OGDH: variants seen among roughly 807,000 people sequenced by gnomAD.
OGDH encodes 2-oxoglutarate dehydrogenase complex component E1.
OGDH carries 38 observed loss-of-function variants against 116.6 expected under a neutral mutation model. The ratio of observed to expected loss-of-function variants is 0.33; its 90% CI spans 0.25 to 0.43. OGDH has a LOEUF of 0.43. OGDH is among the 20% of genes least tolerant of loss of function. OGDH has a pLI of 1.00. For missense variants in OGDH, 825 were observed against 1,357.2 expected (o/e 0.61, Z 6.16); for synonymous variants, 488 against 533.3 (o/e 0.92, Z 1.17).
chr7:44,660,744 C>T (rs568198901), intron 4 of OGDH, among the ~76,000 whole-genome samples: 6 of 152,152 alleles, frequency 3.9e-5, no homozygotes, highest in Admixed American at 2.0e-4. Context: ...GGCAACATAG[C>T]GAGACCCCTG....
At chr7:44,643,631 A>G (rs992764060) in intron 2 of OGDH, among the ~76,000 whole-genome samples, 1 of 152,174 alleles carries the variant, frequency 6.6e-6, no homozygotes, top group Admixed American at 6.5e-5. Context: ...AACCTGTCTG[A>G]AAAAAACAGA....
chr7:44,634,538 C>G (rs896700402), intron 2 of OGDH, among the ~76,000 whole-genome samples: 3 of 152,172 alleles, frequency 2.0e-5, no homozygotes, highest in African/African-American at 7.2e-5. Context: ...TATTTACACA[C>G]CTGTACAGAC....
At chr7:44,631,456 C>T (rs1041992390) in intron 2 of OGDH, among the ~76,000 whole-genome samples, 15 of 152,226 alleles carry the variant, frequency 9.9e-5, no homozygotes, top group African/African-American at 2.7e-4. Context: ...CCTCCCCCAC[C>T]GCCACTTGAT....
In OGDH at chr7:44,686,736, C is replaced by A. The variant is rs140372998; in HGVS notation, c.1335+4888C>A. Among the ~76,000 whole-genome samples the A allele has an allele frequency of 5.0e-3, 742 of 149,038 alleles. 8 individuals are homozygous for A. The highest frequency in any genetic ancestry group is 0.017 in the African/African-American group (673 of 40,462). ...CGGAGTCTTGCTCTGTCGCCCAGGC[C>A]GGAGTGCAATGGCATGATCTCGGCT... On this transcript the variant is annotated intron_variant, in intron 10 of 22. Transcript: ENST00000222673.
chr7:44,606,811 G>A (rs112026005), intron 1 of OGDH, among the ~76,000 whole-genome samples, 158 bp downstream of exon 1: 209 of 152,314 alleles, frequency 1.4e-3, no homozygotes, highest in African/African-American at 4.3e-3. Flanking sequence ...TGGGGCTCAC[G>A]GAGGGTGGTA....
At chr7:44,660,366 C>G (rs1473263667) in intron 4 of OGDH, among the ~76,000 whole-genome samples, 3 of 152,072 alleles carry the variant, frequency 2.0e-5, no homozygotes, top group Non-Finnish European at 4.4e-5. Flanking sequence ...TTGTATACCC[C>G]TTGATATTTT....
chr7:44,673,396 T>TTCC (rs1422377020), intron 5 of OGDH, among the ~76,000 whole-genome samples: 5 of 152,224 alleles, frequency 3.3e-5, no homozygotes, highest in Admixed American at 6.5e-5. Flanking sequence ...CTATGGGCAT[T>TTCC]TCCTGTCATG....
intron 2 of OGDH, among the ~76,000 whole-genome samples, chr7:44,639,838 G>T (rs1050476540): frequency 6.6e-6 from 1 of 152,356 alleles, no homozygotes; most frequent in South Asian, 2.1e-4. Context: ...AAAGGCTGCA[G>T]AAGTTGCATT....
At position 44,631,820 on chromosome 7, in the gene OGDH, C is replaced by T. The variant is rs926207992; in HGVS notation, c.222+7255C>T. Among the ~76,000 whole-genome samples the T allele has an allele frequency of 4.0e-5, 6 of 151,274 alleles. No individual in the cohort carries two copies. In the South Asian group the frequency reaches 1.3e-3, roughly 32 times the overall value. On this transcript the variant is annotated intron_variant, in intron 2 of 22. Transcript: ENST00000222673. ...TAGCTCTCTTTTCTCTCTCTCTCTC[C>T]CCCTCTCCACCCCCTTCCCTCTTTC...
intron 10 of OGDH, among the ~76,000 whole-genome samples, chr7:44,691,873 C>T (rs1042024368): frequency 6.7e-6 from 1 of 149,956 alleles, no homozygotes; most frequent in African/African-American, 2.5e-5. Flanking sequence ...GTCCCAGCTA[C>T]GCAGGAGGCT....
rs760543141 is a variant in OGDH at position 44,697,002 on chromosome 7, G to A, written c.1989G>A (p.Ser663=). ...WALAEYMAFG[S]LLKEGIHIRL... is the part of the protein sequence containing the mutation. ...TAGCGGAGTACATGGCGTTTGGCTCGCTCCTGAAGGAGGGCATCCACATTC... is the reference window on the plus strand; with the variant it reads ...TAGCGGAGTACATGGCGTTTGGCTCACTCCTGAAGGAGGGCATCCACATTC... Residue 663 remains serine (S), a synonymous_variant, in exon 15 of 23, where the codon TCG becomes TCA. Coordinates refer to ENST00000222673, the MANE Select transcript of OGDH (RefSeq NM_002541.4). This position sits in a 1 kb window ranked among gnomAD's most constrained non-coding sequence, Gnocchi z 6.0. 1.5e-5 allele frequency: 25 copies of A among 1,614,120 alleles called. No homozygotes were observed. Among genetic ancestry groups the A allele is most frequent in the South Asian group, 1.2e-4 (11 of 91,090 alleles).
intron 20 of OGDH, among the ~76,000 whole-genome samples, chr7:44,706,681 C>G (rs1000302583): frequency 2.1e-5 from 3 of 143,622 alleles, no homozygotes; most frequent in African/African-American, 8.2e-5. Context: ...GACTGTAGTG[C>G]ATGATCTCAG....
Position 44,669,145 on chromosome 7 carries a change from C to CTTTTTTTTTTTTTTT in OGDH, c.633+2305_633+2319dup, listed in dbSNP as rs869250474. On this transcript the variant is annotated intron_variant, in intron 5 of 22. Coordinates refer to ENST00000222673, the MANE Select transcript of OGDH (RefSeq NM_002541.4). ...GAGTCCCCTGTGGGGAGCCCGGCAGCTTTTTTTTTTTTTTTTTTTTTTTTT... is the reference window on the plus strand; with the variant it reads ...GAGTCCCCTGTGGGGAGCCCGGCAGCTTTTTTTTTTTTTTTTTTTTTTTTTTTTTTTTTTTTTTTT... 1.5e-3 allele frequency among the ~76,000 whole-genome samples: 120 copies of CTTTTTTTTTTTTTTT among 77,800 alleles called. 25 individuals are homozygous for CTTTTTTTTTTTTTTT. Among genetic ancestry groups the CTTTTTTTTTTTTTTT allele is most frequent in the African/African-American group, 8.0e-3 (109 of 13,668 alleles). The allele number at this position is 77,800 out of a possible 152,430, so 51.0% of individuals were successfully genotyped here. A position where few individuals can be genotyped will look rare whatever the true frequency, so the allele number is the denominator to read the frequency against.
chr7:44,693,769 G>T, intron 10 of OGDH, 56 bp from the exon 11 acceptor site: 1 of 1,501,748 alleles, frequency 6.7e-7, no homozygotes, highest in African/African-American at 1.4e-5. Flanking sequence ...CCCGCCCTCT[G>T]GTCCCTGTGC....
In OGDH at chr7:44,664,991, G is replaced by A. The variant is rs113942929; in HGVS notation, c.518-1745G>A. Among the ~76,000 whole-genome samples, 126 of 152,310 alleles carry A rather than the reference G, an allele frequency of 8.3e-4. 2 individuals are homozygous for A. Among genetic ancestry groups the A allele is most frequent in the Middle Eastern group, 3.4e-3 (1 of 294 alleles). Reference sequence around the variant, plus strand: ...CTTATCTGGGGGCATACACTGGACCGATATAGTTTCACAATCAAAATATTT... The same window carrying A: ...CTTATCTGGGGGCATACACTGGACCAATATAGTTTCACAATCAAAATATTT... On this transcript the variant is annotated intron_variant, in intron 4 of 22. Coordinates refer to ENST00000222673, the MANE Select transcript of OGDH (RefSeq NM_002541.4).
intron 2 of OGDH, among the ~76,000 whole-genome samples, chr7:44,634,585 C>G (rs1416520486): frequency 6.6e-6 from 1 of 152,202 alleles, no homozygotes; most frequent in African/African-American, 2.4e-5. Context: ...TATTCTGTCA[C>G]CTATAATGAC....
intron 4 of OGDH, among the ~76,000 whole-genome samples, chr7:44,662,535 T>C (rs1270456468): frequency 1.3e-5 from 2 of 151,390 alleles, no homozygotes; most frequent in African/African-American, 4.9e-5. Flanking sequence ...CAATCTCTGC[T>C]CACTGCAACC....
intron 2 of OGDH, 128 bp from the exon 3 acceptor site, chr7:44,645,199 A>G: frequency 1.3e-6 from 1 of 799,174 alleles, no homozygotes; most frequent in Non-Finnish European, 2.0e-6. Context: ...CCCACTGTCC[A>G]GGAGGAAGCA....
At chr7:44,623,012 G>C (rs2117284100) in intron 1 of OGDH, 1 of 152,314 alleles carries the variant, frequency 6.6e-6, no homozygotes, top group Middle Eastern at 3.4e-3. Flanking sequence ...AGGCATTATT[G>C]AACAACTGCT....
Sources: gnomAD v4.1 joint callset for allele counts (sites outside exome capture counted in the v4.1 genomes callset) on GRCh38, gnomAD v4.1.1 for gene constraint, Gnocchi (gnomAD v3.1) non-coding constraint, MANE v1.5 for transcripts, NCBI Gene and HGNC (gene_info 2026-07-23, HGNC 2026-07-21) for gene names.